The following IFT80 variants were observed in gnomAD, a reference collection of about 807,000 sequenced individuals.
The protein encoded by IFT80 is intraflagellar transport protein 80 homolog.
A neutral mutation model predicts 107.9 loss-of-function variants in IFT80; 79 were observed. That is an observed-to-expected ratio of 0.73 (90% CI 0.61 to 0.88). The LOEUF is 0.88. IFT80 is among the 40% of genes least tolerant of loss of function. The pLI, the probability that IFT80 is intolerant of heterozygous loss-of-function variation, is 0.00. For missense variants in IFT80, 797 were observed against 914.2 expected, an observed-to-expected ratio of 0.87 and a Z score of 1.65; for synonymous variants, 299 against 300.9, an observed-to-expected ratio of 0.99 and a Z score of 0.07.
chr3:160,383,601 A>C (rs61066536), intron 2 of IFT80: 41,614 of 917,810 alleles, frequency 0.045, 1,097 homozygotes, highest in Middle Eastern at 0.064. Context: ...AAATTGCTAC[A>C]AAAATTTCTC....
intron 15 of IFT80, among the ~76,000 whole-genome samples, chr3:160,279,954 AAAT>A (rs1251022009): frequency 2.0e-4 from 31 of 152,202 alleles, no homozygotes; most frequent in African/African-American, 7.5e-4. Context: ...GATGACCTTT[AAAT>A]AAAAAGACTA....
At chr3:160,290,611 G>A (rs1321873676) in intron 12 of IFT80, among the ~76,000 whole-genome samples, 4 of 152,014 alleles carry the variant, frequency 2.6e-5, no homozygotes, top group Non-Finnish European at 4.4e-5. Flanking sequence ...TGGAGTTTTT[G>A]CTCTTGTTGA....
chr3:160,313,409 A>C (rs1278012574), intron 9 of IFT80, among the ~76,000 whole-genome samples: 1 of 151,856 alleles, frequency 6.6e-6, no homozygotes, highest in East Asian at 1.9e-4. Flanking sequence ...ACATTATTAA[A>C]ATTATAGATA....
At chr3:160,371,364 C>T (rs763040117) in intron 5 of IFT80, among the ~76,000 whole-genome samples, 2 of 152,220 alleles carry the variant, frequency 1.3e-5, no homozygotes. Context: ...AATCTCCACC[C>T]TCTGGTCCAC....
intron 6 of IFT80, among the ~76,000 whole-genome samples, chr3:160,361,770 A>G (rs1478668707): frequency 5.3e-5 from 8 of 152,226 alleles, no homozygotes; most frequent in Admixed American, 5.2e-4. Flanking sequence ...CTGCTCCTGA[A>G]TGACTACTGG....
chr3:160,274,007 C>T (rs1714033025), intron 18 of IFT80, among the ~76,000 whole-genome samples: 1 of 152,128 alleles, frequency 6.6e-6, no homozygotes, highest in Non-Finnish European at 1.5e-5. Context: ...TTCCCTCTCC[C>T]TGAGATCTAA....
At chr3:160,375,608 C>G (rs754996089) in intron 5 of IFT80, among the ~76,000 whole-genome samples, 3 of 152,010 alleles carry the variant, frequency 2.0e-5, no homozygotes, top group Non-Finnish European at 2.9e-5. Context: ...TCCTATATTT[C>G]TTGGCTTGAA....
intron 9 of IFT80, among the ~76,000 whole-genome samples, chr3:160,308,463 T>G (rs1247120564): frequency 6.6e-6 from 1 of 152,128 alleles, no homozygotes; most frequent in African/African-American, 2.4e-5. Context: ...AATCTTGAAG[T>G]TGATGAACAA....
Position 160,319,929 on chromosome 3 carries a change from G to A in IFT80, c.788C>T (p.Ala263Val). 6.2e-7 allele frequency: 1 copy of A among 1,610,594 alleles called. No homozygotes were observed. The highest frequency in any genetic ancestry group is 1.3e-5 in the African/African-American group (1 of 74,912). The change falls in exon 9 of 20, where the codon GCA (alanine) becomes GTA (valine). Residue 263 changes from alanine (A) to valine (V), a missense_variant. Physicochemically the swap from Ala to Val is moderately conservative, Grantham distance 64. Coordinates refer to ENST00000326448, the MANE Select transcript of IFT80 (RefSeq NM_020800.3). ...GCTGCCAGTGTTGGGTTTTTCTAATGCATATGACCACTGGGGGAGAAAAAA... is the reference window on the plus strand; with the variant it reads ...GCTGCCAGTGTTGGGTTTTTCTAATACATATGACCACTGGGGGAGAAAAAA... ...RLCDKTGWSY[A>V]LEKPNTGSIF...
chr3:160,367,869 T>C (rs928324075), intron 5 of IFT80, among the ~76,000 whole-genome samples: 2 of 152,018 alleles, frequency 1.3e-5, no homozygotes, highest in African/African-American at 4.8e-5. Flanking sequence ...ATTGAAAGCA[T>C]TGGTTATACG....
chr3:160,382,204 A>G (rs550251351), intron 2 of IFT80, among the ~76,000 whole-genome samples: 62 of 152,358 alleles, frequency 4.1e-4, no homozygotes, highest in African/African-American at 1.4e-3. Flanking sequence ...TGTCAAAACA[A>G]GACTGAAATC....
At chr3:160,383,459 T>C (rs571577189) in intron 2 of IFT80, 55 of 967,324 alleles carry the variant, frequency 5.7e-5, no homozygotes, top group Non-Finnish European at 6.6e-5. Flanking sequence ...TCTGACCAAA[T>C]GTTTAAATCA....
At chr3:160,262,319 CCATGGGAAAAAAATA>C (rs1712918200) in intron 19 of IFT80, among the ~76,000 whole-genome samples, 1 of 152,034 alleles carries the variant, frequency 6.6e-6, no homozygotes, top group Admixed American at 6.6e-5. Context: ...AGATTGGAAA[CCATGGGAAAAAAATA>C]TATGGGAAGA....
At chr3:160,367,126 T>C (rs1418188626) in intron 5 of IFT80, among the ~76,000 whole-genome samples, 4 of 152,136 alleles carry the variant, frequency 2.6e-5, no homozygotes, top group Non-Finnish European at 5.9e-5. Flanking sequence ...TTTTTATGGC[T>C]GAATAGTACT....
intron 12 of IFT80, among the ~76,000 whole-genome samples, chr3:160,289,377 A>G (rs1206948616): frequency 6.6e-6 from 1 of 152,200 alleles, no homozygotes; most frequent in Non-Finnish European, 1.5e-5. Context: ...TAGGTGATAA[A>G]ATAATCTGTA....
intron 1 of IFT80, among the ~76,000 whole-genome samples, chr3:160,389,290 A>G (rs1713176163): frequency 6.6e-6 from 1 of 152,188 alleles, no homozygotes; most frequent in South Asian, 2.1e-4. Context: ...ATTTATATAG[A>G]AAAATGGTGA....
intron 3 of IFT80, among the ~76,000 whole-genome samples, chr3:160,380,057 G>A (rs1246109685): frequency 4.1e-5 from 6 of 147,308 alleles, no homozygotes; most frequent in East Asian, 4.0e-4. Context: ...TTTTTGAGAC[G>A]GAGTCTTGCT....
At chr3:160,330,687 T>C (rs62272187) in intron 8 of IFT80, among the ~76,000 whole-genome samples, 6,913 of 152,180 alleles carry the variant, frequency 0.045, 222 homozygotes, top group Middle Eastern at 0.078. Context: ...AAGAGGGTCC[T>C]GAAGCTACTG....
intron 10 of IFT80, among the ~76,000 whole-genome samples, chr3:160,305,188 T>G (rs1157045425): frequency 6.6e-6 from 1 of 152,216 alleles, no homozygotes; most frequent in Non-Finnish European, 1.5e-5. Flanking sequence ...TCAGTAATTT[T>G]CATAAAGCCA....
Sources: allele counts gnomAD v4.1 joint callset (sites outside exome capture counted in the v4.1 genomes callset), GRCh38; gene constraint gnomAD v4.1.1; transcripts MANE v1.5; gene names NCBI Gene and HGNC (gene_info 2026-07-23, HGNC 2026-07-21).